Variants in DACH1 observed in about 807,000 individuals in gnomAD.
DACH1 encodes the protein dachshund homolog 1.
Under a neutral mutation model 54.2 loss-of-function variants are expected in DACH1, and 12 were observed. The observed-to-expected ratio is 0.22, with a 90% confidence interval of 0.14 to 0.36. The LOEUF (loss-of-function observed/expected upper bound fraction) is 0.36. Ranked by LOEUF, DACH1 falls within the 10% of genes least tolerant of loss-of-function variation. DACH1 has a pLI of 1.00. For missense variants in DACH1, 805 were observed against 929.8 expected, an observed-to-expected ratio of 0.87 and a Z score of 1.75; for synonymous variants, 386 against 366.2, an observed-to-expected ratio of 1.05 and a Z score of -0.62.
At chr13:71,716,513 C>G (rs1882972177) in intron 1 of DACH1, among the ~76,000 whole-genome samples, 2 of 152,042 alleles carry the variant, frequency 1.3e-5, no homozygotes, top group Non-Finnish European at 2.9e-5. Flanking sequence ...TCCTGAAATG[C>G]CCATTCCTTC....
chr13:71,480,956 C>CTT (rs10647124), intron 7 of DACH1, among the ~76,000 whole-genome samples: 141,880 of 152,070 alleles, frequency 0.93, 66,989 homozygotes, highest in East Asian at 1. Context: ...CCTCCCCACT[C>CTT]TTTTGTTTAA....
intron 1 of DACH1, among the ~76,000 whole-genome samples, chr13:71,712,449 TAG>T (rs1882764052): frequency 6.6e-6 from 1 of 152,144 alleles, no homozygotes; most frequent in Non-Finnish European, 1.5e-5. Flanking sequence ...TAATATTTTA[TAG>T]GCTCAGAGGA....
intron 1 of DACH1, among the ~76,000 whole-genome samples, chr13:71,759,389 C>T (rs1192149384): frequency 6.6e-6 from 1 of 152,098 alleles, no homozygotes; most frequent in Non-Finnish European, 1.5e-5. Context: ...AACCCCCACG[C>T]TGCCCTCACT....
rs796669644 is a variant in DACH1 at position 71,567,105 on chromosome 13, C to A, written c.1299+5735G>T. The stretch of plus-strand genomic sequence containing the variant: ...AAACAGCGTTTTTCAATGTTTAATT[C>A]TTTAAATGAGAATGTCACAAAGTCT... On this transcript the variant is annotated intron_variant, in intron 4 of 10. Coordinates refer to ENST00000613252, the MANE Select transcript of DACH1 (RefSeq NM_080759.6). Among the ~76,000 whole-genome samples, 9 of 151,910 alleles carry A rather than the reference C, an allele frequency of 5.9e-5. 1 individual carries two copies. The South Asian group carries it at 1.9e-3, about 31-fold the overall frequency.
intron 2 of DACH1, among the ~76,000 whole-genome samples, chr13:71,635,404 G>T (rs963500534): frequency 4.6e-5 from 7 of 151,998 alleles, no homozygotes; most frequent in Admixed American, 2.0e-4. Flanking sequence ...CCAATTTCCT[G>T]TCTCTAAAAA....
chr13:71,574,336 A>G (rs2138418643), intron 3 of DACH1, among the ~76,000 whole-genome samples: 1 of 152,192 alleles, frequency 6.6e-6, no homozygotes, highest in African/African-American at 2.4e-5. Context: ...CCTTAACTGA[A>G]TCTGTTGAAA....
chr13:71,571,394 T>C (rs1885186323), intron 4 of DACH1, among the ~76,000 whole-genome samples: 1 of 152,204 alleles, frequency 6.6e-6, no homozygotes, highest in Non-Finnish European at 1.5e-5. Context: ...CAATAATACC[T>C]ATTACCTAAC....
chr13:71,441,534 T>A (rs748945703), intron 10 of DACH1, among the ~76,000 whole-genome samples: 3 of 152,046 alleles, frequency 2.0e-5, no homozygotes, highest in Non-Finnish European at 2.9e-5. Context: ...AAATTCAAAT[T>A]TTAATATGTA....
At chr13:71,475,886 T>G (rs780666028) in intron 8 of DACH1, 37 bp from the exon 9 acceptor site, 1 of 1,405,068 alleles carries the variant, frequency 7.1e-7, no homozygotes, top group Admixed American at 2.6e-5. Flanking sequence ...ATTATTATTT[T>G]TAAATTTTCA....
chr13:71,601,391 A>G (rs1414274507), intron 3 of DACH1, among the ~76,000 whole-genome samples: 1 of 152,036 alleles, frequency 6.6e-6, no homozygotes, highest in Non-Finnish European at 1.5e-5. Context: ...TGGAAAAAAT[A>G]TTTTTTATAA....
At chr13:71,512,715 G>A (rs1880872979) in intron 6 of DACH1, among the ~76,000 whole-genome samples, 1 of 151,750 alleles carries the variant, frequency 6.6e-6, no homozygotes, top group Non-Finnish European at 1.5e-5. Flanking sequence ...TGGCTATAAG[G>A]AATTGCACAA....
At chr13:71,469,147 G>T (rs540867499) in intron 10 of DACH1, among the ~76,000 whole-genome samples, 1 of 152,242 alleles carries the variant, frequency 6.6e-6, no homozygotes, top group South Asian at 2.1e-4. Flanking sequence ...AACTAGTAGT[G>T]TGACTGTGAG....
intron 1 of DACH1, among the ~76,000 whole-genome samples, chr13:71,717,618 G>A (rs935642065): frequency 1.3e-5 from 2 of 151,292 alleles, no homozygotes; most frequent in African/African-American, 2.4e-5. Flanking sequence ...GTTAAATTGC[G>A]TTTCCATTCA....
At chr13:71,793,889 C>T (rs1566504121) in intron 1 of DACH1, among the ~76,000 whole-genome samples, 2 of 152,122 alleles carry the variant, frequency 1.3e-5, no homozygotes, top group Non-Finnish European at 2.9e-5. Context: ...TGACCAAGGT[C>T]GTACAGCTAA....
At chr13:71,596,204 G>T (rs867937110) in intron 3 of DACH1, among the ~76,000 whole-genome samples, 9 of 152,016 alleles carry the variant, frequency 5.9e-5, no homozygotes, top group African/African-American at 2.2e-4. Flanking sequence ...TGGAAATAGT[G>T]TATCTTGAAA....
In DACH1 at chr13:71,616,665, GT is replaced by G. The variant is rs536345020; in HGVS notation, c.1126+13890del. ...GCAGGAGGATCATGTGAGCCCAGGG[GT>G]TGAGGCTGCAGTGAACTATGGTTCC... On this transcript the variant is annotated intron_variant, in intron 3 of 10. Coordinates refer to ENST00000613252, the MANE Select transcript of DACH1 (RefSeq NM_080759.6). Among the ~76,000 whole-genome samples, 401 of 152,190 alleles carry G rather than the reference GT, an allele frequency of 2.6e-3. 1 individual carries two copies. Among genetic ancestry groups the G allele is most frequent in the Admixed American group, 4.4e-3 (67 of 15,280 alleles).
chr13:71,479,335 C>T lies in DACH1; in HGVS notation c.1723-19G>A, dbSNP rs753051176. ...ACAGCCCCTGTACAAAGAAGATATT[C>T]GGAATGGTAATATTTTAATACAAAG... On this transcript the variant is annotated intron_variant, in intron 7 of 10. Coordinates refer to ENST00000613252, the MANE Select transcript of DACH1 (RefSeq NM_080759.6). 7 of 1,597,760 alleles carry T rather than the reference C, an allele frequency of 4.4e-6. No individual in the cohort carries two copies. The highest frequency in any genetic ancestry group is 1.7e-4 in the Middle Eastern group (1 of 5,948).
Position 71,781,346 on chromosome 13 carries a change from TTTTATTTATTTA to T in DACH1, c.848+84564_848+84575del, listed in dbSNP as rs58100916. On this transcript the variant is annotated intron_variant, in intron 1 of 10. Transcript: ENST00000613252. Reference sequence around the variant, plus strand: ...AACACTAGGTCCAGATCTTTTTTATTTTTATTTATTTATTTATTTATTTATTTATTTATTTAT... The same window carrying T: ...AACACTAGGTCCAGATCTTTTTTATTTTTATTTATTTATTTATTTATTTAT... 4.6e-3 allele frequency among the ~76,000 whole-genome samples: 631 copies of T among 137,206 alleles called. 8 individuals carry two copies. Among genetic ancestry groups the T allele is most frequent in the African/African-American group, 0.012 (448 of 37,124 alleles). The allele number at this position is 137,206 out of a possible 152,430, so 90.0% of individuals were successfully genotyped here. A position where few individuals can be genotyped will look rare whatever the true frequency, so the allele number is the denominator to read the frequency against.
chr13:71,698,739 G>A (rs1471451553), intron 1 of DACH1, among the ~76,000 whole-genome samples: 1 of 152,080 alleles, frequency 6.6e-6, no homozygotes, highest in South Asian at 2.1e-4. Flanking sequence ...ATCATATTTT[G>A]TATAGGCTAT....
Sources: allele counts gnomAD v4.1 joint callset (sites outside exome capture counted in the v4.1 genomes callset), GRCh38; gene constraint gnomAD v4.1.1; transcripts MANE v1.5; gene names NCBI Gene and HGNC (gene_info 2026-07-23, HGNC 2026-07-21).